CDRT4: variants seen among roughly 807,000 people sequenced by gnomAD.
CDRT4 encodes the protein CMT1A duplicated region transcript 4.
For synonymous variants in CDRT4, 64 were observed against 69.6 expected (o/e 0.92, Z 0.40); for missense variants, 167 against 193.1 (o/e 0.87, Z 0.80).
chr17:15,451,090 G>A (rs536702908), intron 2 of CDRT4, among the ~76,000 whole-genome samples: 23 of 152,122 alleles, frequency 1.5e-4, no homozygotes, highest in Non-Finnish European at 2.9e-4. Flanking sequence ...TAATCCCCAC[G>A]TGTTGTGGGA....
At chr17:15,448,744 C>T (rs1226052392) in intron 2 of CDRT4, among the ~76,000 whole-genome samples, 1 of 152,188 alleles carries the variant, frequency 6.6e-6, no homozygotes, top group African/African-American at 2.4e-5. Context: ...GCTTGTGCCC[C>T]CAGGCTACAC....
In CDRT4 at chr17:15,464,877, T is replaced by C. The variant is rs906709964; in HGVS notation, c.-130+2583A>G. On this transcript the variant is annotated intron_variant, in intron 1 of 3. Coordinates refer to ENST00000619038, the MANE Select transcript of CDRT4 (RefSeq NM_001204477.2). The surrounding 1 kb of genome is among the most constrained non-coding windows in gnomAD (Gnocchi z 4.5). Reference sequence around the variant, plus strand: ...CAGCACAGAAAGGAACCAGCAGGGATACGGGAACAGAGGCACAGACATCAA... The same window carrying C: ...CAGCACAGAAAGGAACCAGCAGGGACACGGGAACAGAGGCACAGACATCAA... Among the ~76,000 whole-genome samples, 49 of 152,094 alleles carry C rather than the reference T, an allele frequency of 3.2e-4. 1 individual carries two copies.
chr17:15,449,545 C>G (rs181245826), intron 2 of CDRT4, among the ~76,000 whole-genome samples: 1 of 152,282 alleles, frequency 6.6e-6, no homozygotes, highest in African/African-American at 2.4e-5. Context: ...CCCCAAGCAA[C>G]TCTTTCTTTT....
At chr17:15,438,694 T>C (rs1286685074) in intron 3 of CDRT4, among the ~76,000 whole-genome samples, 1 of 152,148 alleles carries the variant, frequency 6.6e-6, no homozygotes, top group East Asian at 1.9e-4. Context: ...ATCTGTAAAA[T>C]GGTGATTAGA....
chr17:15,458,413 G>A (rs1475165472), intron 1 of CDRT4, among the ~76,000 whole-genome samples: 2 of 152,144 alleles, frequency 1.3e-5, no homozygotes, highest in Non-Finnish European at 2.9e-5. Context: ...TCAGAGTGGA[G>A]GGGGGAACCT....
chr17:15,456,737 C>T (rs566027498), intron 1 of CDRT4, among the ~76,000 whole-genome samples: 3 of 152,244 alleles, frequency 2.0e-5, no homozygotes, highest in South Asian at 2.1e-4. Flanking sequence ...TAGAGACTGG[C>T]GCCCCACCAA....
At chr17:15,455,860 G>T (rs530425271) in intron 1 of CDRT4, among the ~76,000 whole-genome samples, 1 of 152,292 alleles carries the variant, frequency 6.6e-6, no homozygotes, top group East Asian at 1.9e-4. Flanking sequence ...CATGACTGTA[G>T]CCTCATGGAG....
At chr17:15,448,027 C>A (rs1979102805) in intron 2 of CDRT4, among the ~76,000 whole-genome samples, 1 of 152,142 alleles carries the variant, frequency 6.6e-6, no homozygotes, top group African/African-American at 2.4e-5. Context: ...TGTGTTGCCT[C>A]ATAATATCTA....
chr17:15,458,144 T>C (rs960815518), intron 1 of CDRT4, among the ~76,000 whole-genome samples: 1 of 152,334 alleles, frequency 6.6e-6, no homozygotes, highest in African/African-American at 2.4e-5. Flanking sequence ...ATTTCGCTTT[T>C]ACTGGGACTT....
intron 1 of CDRT4, among the ~76,000 whole-genome samples, chr17:15,463,876 G>A (rs1278085637): frequency 6.6e-6 from 1 of 152,204 alleles, no homozygotes; most frequent in Non-Finnish European, 1.5e-5. Context: ...CTGGGGTCTG[G>A]CCAGGGATCA....
At chr17:15,444,562 CAGAAAA>C (rs2150787769) in intron 2 of CDRT4, among the ~76,000 whole-genome samples, 1 of 152,168 alleles carries the variant, frequency 6.6e-6, no homozygotes, top group South Asian at 2.1e-4. Flanking sequence ...TACTTAGAAA[CAGAAAA>C]AGAACCGGGC....
chr17:15,459,170 G>A (rs981763073), intron 1 of CDRT4, among the ~76,000 whole-genome samples: 1 of 152,102 alleles, frequency 6.6e-6, no homozygotes, highest in Non-Finnish European at 1.5e-5. Flanking sequence ...ACCTCAGTTT[G>A]GCCACTGTTT....
intron 1 of CDRT4, among the ~76,000 whole-genome samples, chr17:15,458,470 G>A (rs540406856): frequency 1.9e-3 from 293 of 152,180 alleles, no homozygotes; most frequent in Non-Finnish European, 2.9e-3. Context: ...GTCCAAAGAT[G>A]ACCACTTGGC....
intron 2 of CDRT4, among the ~76,000 whole-genome samples, chr17:15,445,250 A>C (rs1181338258): frequency 6.6e-6 from 1 of 152,222 alleles, no homozygotes; most frequent in Non-Finnish European, 1.5e-5. Flanking sequence ...GTATTACTTA[A>C]AGAAAAAGAA....
intron 1 of CDRT4, among the ~76,000 whole-genome samples, chr17:15,465,803 G>C (rs1297538274): frequency 6.6e-6 from 1 of 152,242 alleles, no homozygotes; most frequent in Non-Finnish European, 1.5e-5. Context: ...TCAGGGAAGA[G>C]GGGGAGGGAG....
At position 15,437,380 on chromosome 17, in the gene CDRT4, T is replaced by A; in HGVS notation, c.*393A>T. ...CCTGCTTCCTGTGGTGCTACCTCCA[T>A]GGATACCTTTGTATTCCCTTCCTGC... On this transcript the variant is annotated 3_prime_UTR_variant, in exon 4 of 4. Coordinates refer to ENST00000619038, the MANE Select transcript of CDRT4 (RefSeq NM_001204477.2). The A allele has an allele frequency of 4.2e-6, 1 of 240,468 alleles. No homozygotes were observed. The highest frequency in any genetic ancestry group is 1.0e-4 in the East Asian group (1 of 9,818). 14.9% of individuals were successfully genotyped at this position (240,468 alleles called of 1,614,324 possible).
chr17:15,438,229 T>C (rs1448583541), intron 3 of CDRT4, 29 bp from the exon 4 acceptor site: 2 of 1,601,026 alleles, frequency 1.2e-6, no homozygotes, highest in Non-Finnish European at 1.7e-6. Flanking sequence ...GCAGGCCATT[T>C]AGAGGCAGTC....
intron 1 of CDRT4, among the ~76,000 whole-genome samples, chr17:15,459,448 T>C (rs952325211): frequency 6.3e-5 from 9 of 142,540 alleles, no homozygotes; most frequent in East Asian, 6.1e-4. Flanking sequence ...TCTTTTTTTT[T>C]TTTTTTTTTT....
intron 1 of CDRT4, among the ~76,000 whole-genome samples, chr17:15,462,281 A>G (rs1214861681): frequency 6.6e-6 from 1 of 151,982 alleles, no homozygotes; most frequent in Admixed American, 6.5e-5. Context: ...ACAAAAAATT[A>G]GCCAGCCGTG....
Sources: allele counts gnomAD v4.1 joint callset (sites outside exome capture counted in the v4.1 genomes callset), GRCh38; gene constraint gnomAD v4.1.1; non-coding constraint Gnocchi (gnomAD v3.1); transcripts MANE v1.5; gene names NCBI Gene and HGNC (gene_info 2026-07-23, HGNC 2026-07-21).